The following CCDC175 variants were observed in gnomAD, a reference collection of about 807,000 sequenced individuals.
The protein encoded by CCDC175 is coiled-coil domain containing 175, also known as coiled-coil domain-containing protein 175.
Under a neutral mutation model 114.6 loss-of-function variants are expected in CCDC175, and 100 were observed. The ratio of observed to expected loss-of-function variants is 0.87; its 90% CI spans 0.74 to 1.03. The LOEUF is 1.03. Among genes scored for constraint, CCDC175 ranks in the 50% least tolerant of loss-of-function variants. The pLI, the probability that CCDC175 is intolerant of heterozygous loss-of-function variation, is 0.00. For missense variants in CCDC175, 880 were observed against 917.8 expected (o/e 0.96, Z 0.53); for synonymous variants, 306 against 308.7 (o/e 0.99, Z 0.09).
intron 5 of CCDC175, 27 bp downstream of exon 5, chr14:59,565,020 T>C (rs1896441088): frequency 7.1e-7 from 1 of 1,406,790 alleles, no homozygotes; most frequent in Non-Finnish European, 9.6e-7. Context: ...CATTATTGTA[T>C]TTTAAAGAAT....
At chr14:59,507,446 C>T (rs886173502) in intron 19 of CCDC175, among the ~76,000 whole-genome samples, 1 of 152,208 alleles carries the variant, frequency 6.6e-6, no homozygotes, top group South Asian at 2.1e-4. Context: ...TGTCAGGCTC[C>T]AAAGTGCCCA....
intron 14 of CCDC175, among the ~76,000 whole-genome samples, chr14:59,528,205 A>G (rs1860251253): frequency 6.6e-6 from 1 of 152,104 alleles, no homozygotes; most frequent in African/African-American, 2.4e-5. Context: ...TGCTGTTAAG[A>G]AGTTTGAAAT....
intron 8 of CCDC175, among the ~76,000 whole-genome samples, chr14:59,549,431 T>C (rs532501286): frequency 6.6e-6 from 1 of 152,328 alleles, no homozygotes; most frequent in East Asian, 1.9e-4. Flanking sequence ...GAGGATCACC[T>C]AGGCCTGGGA....
intron 7 of CCDC175, among the ~76,000 whole-genome samples, chr14:59,553,046 G>A (rs1287815228): frequency 7.9e-5 from 12 of 152,082 alleles, no homozygotes; most frequent in East Asian, 1.9e-4. Context: ...ACTCTGCAGG[G>A]AATTATTCAG....
intron 13 of CCDC175, among the ~76,000 whole-genome samples, chr14:59,533,807 T>C (rs1302630154): frequency 2.6e-5 from 4 of 151,706 alleles, no homozygotes; most frequent in Non-Finnish European, 5.9e-5. Flanking sequence ...GCTAACATGG[T>C]GAAACCCCGT....
chr14:59,540,666 T>TTTC lies in CCDC175; in HGVS notation c.1355+8_1355+9insGAA. ...AAATAAACTTTTTTTTTTTTTTTTT[T>TTTC]TTTTTTACCATCTCTGACTTTCTCT... On this transcript the variant is annotated intron_variant, in intron 11 of 19. Transcript: ENST00000537690. The TTTC allele has an allele frequency of 4.6e-6, 7 of 1,507,964 alleles. No homozygotes were observed. Among genetic ancestry groups the TTTC allele is most frequent in the Non-Finnish European group, 5.3e-6 (6 of 1,135,706 alleles). 93.4% of individuals were successfully genotyped at this position (1,507,964 alleles called of 1,614,324 possible).
intron 7 of CCDC175, among the ~76,000 whole-genome samples, chr14:59,554,487 G>A (rs1313848484): frequency 6.6e-6 from 1 of 152,214 alleles, no homozygotes; most frequent in Admixed American, 6.5e-5. Context: ...GAAGTTTACA[G>A]CACTAAATGC....
intron 14 of CCDC175, among the ~76,000 whole-genome samples, chr14:59,530,545 GA>G: frequency 6.6e-6 from 1 of 151,972 alleles, no homozygotes; most frequent in African/African-American, 2.4e-5. Flanking sequence ...AAAGTGATAA[GA>G]GGCCAAGAAA....
chr14:59,520,051 A>G (rs1263978036), intron 17 of CCDC175, among the ~76,000 whole-genome samples: 5 of 152,234 alleles, frequency 3.3e-5, no homozygotes, highest in African/African-American at 4.8e-5. Flanking sequence ...GGCTGATGCC[A>G]TGCAGAGCAG....
At chr14:59,531,167 G>T (rs946050013) in intron 14 of CCDC175, among the ~76,000 whole-genome samples, 1 of 151,920 alleles carries the variant, frequency 6.6e-6, no homozygotes, top group African/African-American at 2.4e-5. Context: ...TGGACCTTGG[G>T]CACAGGGTTG....
chr14:59,538,845 A>T lies in CCDC175; in HGVS notation c.1356-5T>A. 1 of 1,519,530 alleles carries T rather than the reference A, an allele frequency of 6.6e-7. No individual in the cohort carries two copies. Among genetic ancestry groups the T allele is most frequent in the Non-Finnish European group, 8.8e-7 (1 of 1,141,894 alleles). The allele number at this position is 1,519,530 out of a possible 1,614,324, so 94.1% of individuals were successfully genotyped here. ...ATTTTCCACTGAGTTATAACACTAG[A>T]GATTAGAGCAAAAAGAATTGCCATT... On this transcript the variant is annotated splice_polypyrimidine_tract_variant and splice_region_variant and intron_variant, in intron 11 of 19. Transcript: ENST00000537690.
At position 59,551,399 on chromosome 14, in the gene CCDC175, T is replaced by C. The variant is rs776360902; in HGVS notation, c.991A>G (p.Ile331Val). ...AATTCATTTTTTTCATCATTAGATATATCATCTAGTTTTTCTTTGTTATCT... is the reference window on the plus strand; with the variant it reads ...AATTCATTTTTTTCATCATTAGATACATCATCTAGTTTTTCTTTGTTATCT... ...FTDNKEKLDD[I>V]SNDEKNEFLN... The change falls in exon 8 of 20, where the codon ATA becomes GTA. Residue 331 changes from isoleucine to valine, a missense_variant. Transcript: ENST00000537690. 5.4e-5 allele frequency: 79 copies of C among 1,462,508 alleles called. No individual in the cohort carries two copies. Among genetic ancestry groups the C allele is most frequent in the Non-Finnish European group, 6.9e-5 (75 of 1,094,432 alleles). 90.6% of individuals were successfully genotyped at this position (1,462,508 alleles called of 1,614,324 possible).
intron 7 of CCDC175, among the ~76,000 whole-genome samples, chr14:59,552,100 T>G (rs1318285378): frequency 6.6e-6 from 1 of 152,230 alleles, no homozygotes; most frequent in Non-Finnish European, 1.5e-5. Flanking sequence ...CGTCCATGTC[T>G]GACACCTTTG....
At position 59,527,079 on chromosome 14, in the gene CCDC175, T is replaced by A. The variant is rs773244882; in HGVS notation, c.1842+16A>T. 3 of 1,273,822 alleles carry A rather than the reference T, an allele frequency of 2.4e-6. No individual in the cohort carries two copies. The highest frequency in any genetic ancestry group is 5.4e-5 in the East Asian group (2 of 36,752). The allele number at this position is 1,273,822 out of a possible 1,614,324, so 78.9% of individuals were successfully genotyped here. A position where few individuals can be genotyped will look rare whatever the true frequency, so the allele number is the denominator to read the frequency against. On this transcript the variant is annotated intron_variant, in intron 15 of 19. Transcript: ENST00000537690. The stretch of plus-strand genomic sequence containing the variant: ...TAATAATAATAAAAAAAAGAATTAA[T>A]GCATTGATCTTTTACCATGTTGCTA...
chr14:59,536,191 C>T (rs1197809179), intron 13 of CCDC175, among the ~76,000 whole-genome samples: 2 of 152,094 alleles, frequency 1.3e-5, no homozygotes, highest in African/African-American at 4.8e-5. Context: ...GCAACCCCAC[C>T]CCCTTGTGAT....
intron 17 of CCDC175, 148 bp from the exon 18 acceptor site, chr14:59,511,951 G>T (rs1892781278): frequency 1.6e-6 from 1 of 617,982 alleles, no homozygotes; most frequent in Non-Finnish European, 2.8e-6. Context: ...AATTGGACCT[G>T]CCCTCCCACT....
intron 8 of CCDC175, among the ~76,000 whole-genome samples, chr14:59,550,602 C>A (rs1895408055): frequency 6.6e-6 from 1 of 152,072 alleles, no homozygotes; most frequent in Admixed American, 6.6e-5. Context: ...TTAACTCACA[C>A]AATCACAAGG....
chr14:59,576,520 G>T, intron 1 of CCDC175, 99 bp downstream of exon 1: 1 of 1,168,938 alleles, frequency 8.6e-7, no homozygotes, highest in Non-Finnish European at 1.1e-6. Context: ...GTGATGCCCT[G>T]GTTCCGGGAG....
At chr14:59,527,280 C>A in intron 14 of CCDC175, 106 bp from the exon 15 acceptor site, 1 of 593,486 alleles carries the variant, frequency 1.7e-6, no homozygotes. Context: ...AGGTTTATAA[C>A]AAAAACCAAC....
Sources: gnomAD v4.1 joint callset for allele counts (sites outside exome capture counted in the v4.1 genomes callset) on GRCh38, gnomAD v4.1.1 for gene constraint, MANE v1.5 for transcripts, NCBI Gene and HGNC (gene_info 2026-07-23, HGNC 2026-07-21) for gene names.